Variants in E2F7 observed in about 807,000 individuals in gnomAD.
E2F7 encodes transcription factor E2F7.
In E2F7, 35 loss-of-function variants were observed where a neutral mutation model predicts 81.1. The observed-to-expected ratio is 0.43, with a 90% CI of 0.33 to 0.57. The LOEUF (loss-of-function observed/expected upper bound fraction) is 0.57. Ranked by LOEUF, E2F7 falls within the 20% of genes least tolerant of loss-of-function variation. The pLI, the probability that E2F7 is intolerant of heterozygous loss-of-function variation, is 0.04. For synonymous variants in E2F7, 416 were observed against 416.2 expected (o/e 1.00, Z 0.01); for missense variants, 961 against 1,093.7 (o/e 0.88, Z 1.71).
intron 2 of E2F7, among the ~76,000 whole-genome samples, chr12:77,059,179 G>A (rs977648015): frequency 6.6e-6 from 1 of 152,124 alleles, no homozygotes; most frequent in Non-Finnish European, 1.5e-5. Flanking sequence ...AGTAGGAGGG[G>A]AGCTAGGTCA....
At chr12:77,060,506 A>G (rs1056182417) in intron 2 of E2F7, among the ~76,000 whole-genome samples, 6 of 152,198 alleles carry the variant, frequency 3.9e-5, no homozygotes, top group South Asian at 2.1e-4. Context: ...CTCAAACAAT[A>G]TACACAGTCA....
At chr12:77,058,072 A>G (rs1200008042) in intron 2 of E2F7, among the ~76,000 whole-genome samples, 1 of 152,216 alleles carries the variant, frequency 6.6e-6, no homozygotes, top group Admixed American at 6.5e-5. Context: ...CTAGTATAAG[A>G]GGAAGGAGAG....
intron 7 of E2F7, among the ~76,000 whole-genome samples, chr12:77,041,768 CATGT>C (rs1331218809): frequency 5.3e-5 from 8 of 152,200 alleles, no homozygotes; most frequent in African/African-American, 1.9e-4. Flanking sequence ...CCCCGTCTAG[CATGT>C]AATTGCTCTC....
chr12:77,025,514 C>T (rs539776371), intron 12 of E2F7, 44 bp downstream of exon 12: 6 of 1,597,920 alleles, frequency 3.8e-6, no homozygotes, highest in South Asian at 1.1e-5. Context: ...ACAGGCATAC[C>T]CCTTCCCAGA....
intron 2 of E2F7, among the ~76,000 whole-genome samples, chr12:77,062,085 T>C (rs1955083072): frequency 6.6e-6 from 1 of 152,134 alleles, no homozygotes; most frequent in African/African-American, 2.4e-5. Context: ...AAAGTCTCCC[T>C]GGTAACTGAG....
rs74103231 is a variant in E2F7 at position 77,029,744 on chromosome 12, T to C, written c.1884+87A>G. The C allele has an allele frequency of 3.7e-4, 570 of 1,549,938 alleles. 2 individuals carry two copies. The African/African-American group carries it at 7.0e-3, about 19-fold the overall frequency. On this transcript the variant is annotated intron_variant, in intron 10 of 12. Transcript: ENST00000322886. ...AAACAGCTCCATATTCCAGACTCCA[T>C]TGCTTATTAATATCAGTGTATCTTC...
At chr12:77,044,446 C>T in intron 6 of E2F7, 191 bp downstream of exon 6, 1 of 653,864 alleles carries the variant, frequency 1.5e-6, no homozygotes, top group South Asian at 2.0e-5. Context: ...AAGGCACTGA[C>T]AGGACTCTAA....
At chr12:77,039,411 T>A (rs1406460178) in intron 7 of E2F7, among the ~76,000 whole-genome samples, 1 of 152,182 alleles carries the variant, frequency 6.6e-6, no homozygotes, top group Non-Finnish European at 1.5e-5. Flanking sequence ...TTGGAAATCA[T>A]GTATCTGATA....
chr12:77,024,032 TG>T lies in E2F7; in HGVS notation c.2718del (p.Ser907AlafsTer34), dbSNP rs753171690. On this transcript the variant is annotated frameshift_variant, in exon 13 of 13. Coordinates refer to ENST00000322886, the MANE Select transcript of E2F7 (RefSeq NM_203394.3). LOFTEE classifies it high-confidence loss of function. ...TSSAQRRLEIPSGGAD is the reference protein window; with the variant it reads ...TSSAQRRLEIXSGGAD ...GCGGCAGGTTAGTCAGCGCCGCCGC[TG>T]GGGATTTCTAGTCTCCTCTGGGCCG... is the stretch of plus-strand genomic sequence containing the variant. The T allele has an allele frequency of 6.2e-7, 1 of 1,612,744 alleles. No individual in the cohort carries two copies. The highest frequency in any genetic ancestry group is 1.1e-5 in the South Asian group (1 of 91,032).
chr12:77,044,618 T>C lies in E2F7; in HGVS notation c.988+19A>G. 1.2e-6 allele frequency: 2 copies of C among 1,611,948 alleles called. No homozygotes were observed. The highest frequency in any genetic ancestry group is 3.3e-4 in the Middle Eastern group (2 of 6,052). The stretch of plus-strand genomic sequence containing the variant: ...CACCCTTTATGTGCTAGTAAGTTGA[T>C]GGAGGTGAAGATTCTTACTTTTAAA... On this transcript the variant is annotated intron_variant, in intron 6 of 12. Transcript: ENST00000322886.
intron 7 of E2F7, among the ~76,000 whole-genome samples, chr12:77,035,993 A>AGAAACCGTAC (rs59970691): frequency 6.6e-6 from 1 of 151,098 alleles, no homozygotes; most frequent in African/African-American, 2.4e-5. Context: ...ATAAATGAAT[A>AGAAACCGTAC]AATAAATGAA....
chr12:77,030,167 G>T lies in E2F7; in HGVS notation c.1548C>A (p.Asn516Lys). The T allele has an allele frequency of 6.2e-7, 1 of 1,614,172 alleles. No individual in the cohort carries two copies. Among genetic ancestry groups the T allele is most frequent in the Non-Finnish European group, 8.5e-7 (1 of 1,180,026 alleles). Residue 516 changes from asparagine to lysine, a missense_variant, in exon 10 of 13, where the codon AAC becomes AAA. Around this residue, in one of 3 missense-constraint regions of E2F7, gnomAD observed 587 missense variants for 620.3 expected, o/e 0.95. Coordinates refer to ENST00000322886, the MANE Select transcript of E2F7 (RefSeq NM_203394.3). ...AGACATCCACTTGTCCATTCAGACC[G>T]TTCTGCATGGAGAATGCCTGCAGGT... ...QTDLQAFSMQNGLNGQVDVSL... is the reference protein window; with the variant it reads ...QTDLQAFSMQKGLNGQVDVSL...
chr12:77,045,824 G>C, intron 5 of E2F7: 1 of 565,824 alleles, frequency 1.8e-6, no homozygotes, highest in South Asian at 3.2e-5. Flanking sequence ...GGCCAAACTC[G>C]AGTGAACTGC....
At chr12:77,039,180 T>C (rs1215669093) in intron 7 of E2F7, among the ~76,000 whole-genome samples, 1 of 152,136 alleles carries the variant, frequency 6.6e-6, no homozygotes, top group African/African-American at 2.4e-5. Context: ...CAACCTCCCA[T>C]CCCCTCAGAA....
At position 77,030,026 on chromosome 12, in the gene E2F7, C is replaced by G. The variant is rs200833519; in HGVS notation, c.1689G>C (p.Glu563Asp). The change falls in exon 10 of 13, where the codon GAG becomes GAC. Residue 563 changes from glutamate (E) to aspartate (D), a missense_variant. By Grantham distance (45) the Glu-to-Asp change is conservative. This residue lies in a region of E2F7 where 587 missense variants were observed against 620.3 expected (regional missense o/e 0.95). Coordinates refer to ENST00000322886, the MANE Select transcript of E2F7 (RefSeq NM_203394.3). ...SLFMLYGSLQEGPASGSGSER... is the reference protein window; with the variant it reads ...SLFMLYGSLQDGPASGSGSER... The stretch of plus-strand genomic sequence containing the variant: ...CTGACCCTGACCCTGACGCTGGTCC[C>G]TCCTGCAGACTTCCATACAGCATGA... 1 of 1,614,206 alleles carries G rather than the reference C, an allele frequency of 6.2e-7. No homozygotes were observed. The highest frequency in any genetic ancestry group is 2.2e-5 in the East Asian group (1 of 44,880).
At position 77,046,226 on chromosome 12, in the gene E2F7, C is replaced by G. The variant is rs61759462; in HGVS notation, c.641G>C (p.Ser214Thr). The change falls in exon 5 of 13, where the codon AGC (serine) becomes ACC (threonine). Residue 214 changes from serine (S) to threonine (T), a missense_variant. Ser to Thr is a moderately conservative substitution (Grantham distance 58, BLOSUM62 1). Coordinates refer to ENST00000322886, the MANE Select transcript of E2F7 (RefSeq NM_203394.3). ...KNQYGWHGRH[S>T]LPKTLRNLQR... is the part of the protein sequence containing the mutation. The stretch of plus-strand genomic sequence containing the variant: ...GAGGTTCCTCAGGGTTTTTGGCAGG[C>G]TGTGCCGTCCATGCCAGCCATACTG... 6.2e-7 allele frequency: 1 copy of G among 1,614,180 alleles called. No homozygotes were observed. Among genetic ancestry groups the G allele is most frequent in the South Asian group, 1.1e-5 (1 of 91,084 alleles).
At chr12:77,036,019 G>A (rs1015609396) in intron 7 of E2F7, among the ~76,000 whole-genome samples, 53 of 152,300 alleles carry the variant, frequency 3.5e-4, no homozygotes, top group African/African-American at 1.3e-3. Flanking sequence ...AAAAAAGACA[G>A]AAATGAACAA....
chr12:77,036,950 C>T (rs1407044299), intron 7 of E2F7, among the ~76,000 whole-genome samples: 3 of 152,022 alleles, frequency 2.0e-5, no homozygotes, highest in Non-Finnish European at 4.4e-5. Context: ...GGGGTTTCAC[C>T]GTGTTAGCCA....
At position 77,022,096 on chromosome 12, in the gene E2F7, G is replaced by A. The variant is rs896109972; in HGVS notation, c.*1919C>T. ...ATAGAGCATTCAGGAACAGTGAGGG[G>A]AAAAGCAATTTCTGTTTCCGTCTAA... On this transcript the variant is annotated 3_prime_UTR_variant, in exon 13 of 13. Coordinates refer to ENST00000322886, the MANE Select transcript of E2F7 (RefSeq NM_203394.3). 1.3e-5 allele frequency: 2 copies of A among 152,158 alleles called. No individual in the cohort carries two copies. Among genetic ancestry groups the A allele is most frequent in the African/African-American group, 4.8e-5 (2 of 41,438 alleles). The allele number at this position is 152,158 out of a possible 1,614,324, so 9.4% of individuals were successfully genotyped here.
Sources: gnomAD v4.1 joint callset for allele counts (sites outside exome capture counted in the v4.1 genomes callset) on GRCh38, gnomAD v4.1.1 for gene constraint, gnomAD v4.1.1 regional missense constraint, MANE v1.5 for transcripts, NCBI Gene and HGNC (gene_info 2026-07-23, HGNC 2026-07-21) for gene names.